The following OVCH1 variants were observed in gnomAD, a reference collection of about 807,000 sequenced individuals.
OVCH1 encodes the protein ovochymase 1, also known as ovochymase-1.
In OVCH1, 139 loss-of-function variants were observed where a neutral mutation model predicts 138.4. The ratio of observed to expected loss-of-function variants is 1.00; its 90% CI spans 0.87 to 1.16. OVCH1 has a LOEUF of 1.16. Ranked by LOEUF, OVCH1 falls within the 50% of genes most tolerant of loss-of-function variation. The pLI is 0.00. For synonymous variants in OVCH1, 453 were observed against 467.8 expected, an observed-to-expected ratio of 0.97 and a Z score of 0.41; for missense variants, 1,367 against 1,357.9, an observed-to-expected ratio of 1.01 and a Z score of -0.11.
chr12:29,445,353 G>A, exon 23 of OVCH1: 1 of 1,611,264 alleles, frequency 6.2e-7, no homozygotes, highest in Non-Finnish European at 8.5e-7. Flanking sequence ...CTCACCAGCG[G>A]TCCAGGACTC....
In OVCH1 at chr12:29,495,155, A is replaced by G. The variant is rs1392806662; in HGVS notation, c.454+130T>C. The G allele has an allele frequency of 4.1e-6, 4 of 971,810 alleles. No homozygotes were observed. In the African/African-American group the frequency reaches 5.0e-5, roughly 12 times the overall value. 60.2% of individuals were successfully genotyped at this position (971,810 alleles called of 1,614,324 possible). On this transcript the variant is annotated intron_variant, in intron 4 of 27. Transcript: ENST00000318184. ...TCTCAATAGGTTATAGACCGAACAA[A>G]ATTATTTTAAAAAGAAACAAAGCTT... is the stretch of plus-strand genomic sequence containing the variant.
chr12:29,464,886 T>C, intron 17 of OVCH1, 184 bp from the exon 18 acceptor site: 1 of 680,742 alleles, frequency 1.5e-6, no homozygotes, highest in Non-Finnish European at 2.4e-6. Flanking sequence ...ATGAACCACC[T>C]TCTGGATAAA....
chr12:29,432,952 A>G (rs1380786071), intron 27 of OVCH1, among the ~76,000 whole-genome samples: 2 of 152,138 alleles, frequency 1.3e-5, no homozygotes, highest in Non-Finnish European at 2.9e-5. Context: ...GTGTCCATGA[A>G]ATGGTAGGAA....
chr12:29,405,137 T>C, the OVCH1 span, among the ~76,000 whole-genome samples: 1 of 151,796 alleles, frequency 6.6e-6, no homozygotes, highest in Non-Finnish European at 1.5e-5. Flanking sequence ...ATTGACTAAT[T>C]CCTTTTGAGA....
At chr12:29,463,510 G>T (rs1468751357) in intron 18 of OVCH1, among the ~76,000 whole-genome samples, 1 of 152,142 alleles carries the variant, frequency 6.6e-6, no homozygotes, top group East Asian at 1.9e-4. Context: ...GTTAAGTGGG[G>T]AGGCCCAATC....
At chr12:29,471,330 T>G (rs1264871567) in intron 16 of OVCH1, among the ~76,000 whole-genome samples, 1 of 152,212 alleles carries the variant, frequency 6.6e-6, no homozygotes, top group Admixed American at 6.5e-5. Context: ...GTTATTCTAT[T>G]GTGGTCTCCA....
At chr12:29,445,694 C>T (rs1419995552) in intron 22 of OVCH1, among the ~76,000 whole-genome samples, 2 of 152,032 alleles carry the variant, frequency 1.3e-5, no homozygotes, top group African/African-American at 4.8e-5. Flanking sequence ...TTTAAAATGA[C>T]TGATGTGACC....
At chr12:29,436,057 TCTCA>T (rs370311676) in intron 26 of OVCH1, among the ~76,000 whole-genome samples, 24 of 152,286 alleles carry the variant, frequency 1.6e-4, no homozygotes, top group African/African-American at 5.3e-4. Flanking sequence ...ATCCTGATTT[TCTCA>T]CTCAATATGA....
chr12:29,445,456 G>A, intron 22 of OVCH1, 53 bp from the exon 23 acceptor site: 1 of 1,520,778 alleles, frequency 6.6e-7, no homozygotes, highest in Non-Finnish European at 9.0e-7. Flanking sequence ...TTTGACAGCA[G>A]TTTCTGTATT....
chr12:29,409,869 C>A (rs973224210), downstream of OVCH1, among the ~76,000 whole-genome samples: 2 of 152,122 alleles, frequency 1.3e-5, no homozygotes, highest in African/African-American at 4.8e-5. Flanking sequence ...TCCTTGTCAA[C>A]TTTCTGTCTC....
chr12:29,416,032 C>A (rs542508574), intron 3 of OVCH1, among the ~76,000 whole-genome samples: 1 of 148,842 alleles, frequency 6.7e-6, no homozygotes, highest in Non-Finnish European at 1.5e-5. Flanking sequence ...AGCAATTCAA[C>A]AGATGGTGTT....
At chr12:29,450,076 C>G (rs7963197) in intron 22 of OVCH1, among the ~76,000 whole-genome samples, 20,194 of 152,106 alleles carry the variant, frequency 0.13, 1,370 homozygotes, top group African/African-American at 0.14. Context: ...AGAAGAAAAC[C>G]TAGGCAATAC....
chr12:29,409,536 T>G (rs549065034), downstream of OVCH1, among the ~76,000 whole-genome samples: 1 of 152,260 alleles, frequency 6.6e-6, no homozygotes, highest in Non-Finnish European at 1.5e-5. Context: ...TCAGAGAACA[T>G]CTTTATTTCT....
intron 22 of OVCH1, 47 bp downstream of exon 22, chr12:29,451,298 A>G (rs1565579336): frequency 3.3e-6 from 5 of 1,492,898 alleles, no homozygotes; most frequent in South Asian, 2.4e-5. Context: ...AGCTGCCTAC[A>G]TGGACCAAGA....
At chr12:29,457,048 A>C (rs1941972644) in intron 19 of OVCH1, among the ~76,000 whole-genome samples, 1 of 152,196 alleles carries the variant, frequency 6.6e-6, no homozygotes, top group Admixed American at 6.5e-5. Context: ...ACTTTATATA[A>C]AGAATTTAAC....
chr12:29,426,235 A>G (rs1941177697), downstream of OVCH1, among the ~76,000 whole-genome samples: 1 of 152,228 alleles, frequency 6.6e-6, no homozygotes, highest in Non-Finnish European at 1.5e-5. Context: ...CTTCTAAGCC[A>G]TTGATCCCAT....
At chr12:29,422,827 A>G (rs906575819), downstream of OVCH1, among the ~76,000 whole-genome samples, 8 of 152,180 alleles carry the variant, frequency 5.3e-5, no homozygotes, top group Non-Finnish European at 1.0e-4. Flanking sequence ...TGGAAATACA[A>G]TGAACTCTGT....
At chr12:29,405,054 A>AAAC in the OVCH1 span, among the ~76,000 whole-genome samples, 1 of 114,174 alleles carries the variant, frequency 8.8e-6, no homozygotes, top group African/African-American at 3.0e-5. Flanking sequence ...AAAAAAAAAA[A>AAAC]AACAAAAGAA....
chr12:29,435,743 T>C (rs1487138870), intron 26 of OVCH1, among the ~76,000 whole-genome samples: 1 of 152,182 alleles, frequency 6.6e-6, no homozygotes. Flanking sequence ...CAGAAGATGA[T>C]GTAATCTCAT....
Sources: allele counts gnomAD v4.1 joint callset (sites outside exome capture counted in the v4.1 genomes callset), GRCh38; gene constraint gnomAD v4.1.1; transcripts MANE v1.5; gene names NCBI Gene and HGNC (gene_info 2026-07-23, HGNC 2026-07-21).